EML4: variants seen among roughly 807,000 people sequenced by gnomAD.
EML4 encodes echinoderm microtubule-associated protein-like 4.
EML4 carries 72 observed loss-of-function variants against 129.0 expected under a neutral mutation model. The observed-to-expected ratio is 0.56, with a 90% CI of 0.46 to 0.68. The LOEUF (loss-of-function observed/expected upper bound fraction) is 0.68. Ranked by LOEUF, EML4 falls within the 30% of genes least tolerant of loss-of-function variation. The pLI is 0.00. For synonymous variants in EML4, 532 were observed against 405.0 expected, an observed-to-expected ratio of 1.31 and a Z score of -3.77; for missense variants, 1,363 against 1,190.6, an observed-to-expected ratio of 1.14 and a Z score of -2.13.
intron 16 of EML4, 57 bp downstream of exon 16, chr2:42,303,503 G>A (rs890713951): frequency 3.8e-6 from 6 of 1,574,926 alleles, no homozygotes; most frequent in Non-Finnish European, 5.2e-6. Flanking sequence ...CACACTGGCA[G>A]TTGAGAGCAG....
chr2:42,186,250 G>A (rs184467877), intron 1 of EML4, among the ~76,000 whole-genome samples: 3 of 152,040 alleles, frequency 2.0e-5, no homozygotes, highest in East Asian at 3.9e-4. Flanking sequence ...ACGTTACTAT[G>A]CACTTTTATT....
rs79848531 is a variant in EML4, at chr2:42,292,084, G to A, written c.1219-3041G>A. Among the ~76,000 whole-genome samples the A allele has an allele frequency of 7.0e-4, 106 of 152,308 alleles. No individual in the cohort carries two copies. In the East Asian group the frequency reaches 0.014, roughly 20 times the overall value. ...CATATTATCTCTTCAGTTCTTAGGCGTTGGCAACTGTATTCTGAATTATAG... is the reference window on the plus strand; with the variant it reads ...CATATTATCTCTTCAGTTCTTAGGCATTGGCAACTGTATTCTGAATTATAG... On this transcript the variant is annotated intron_variant, in intron 11 of 22. Coordinates refer to ENST00000318522, the MANE Select transcript of EML4 (RefSeq NM_019063.5).
At chr2:42,318,697 T>TG (rs1558608383) in intron 19 of EML4, among the ~76,000 whole-genome samples, 2 of 151,340 alleles carry the variant, frequency 1.3e-5, no homozygotes, top group Non-Finnish European at 3.0e-5. Flanking sequence ...CCCCCAATTT[T>TG]TTTTGTTTTG....
chr2:42,264,116 T>TG (rs1665914984), intron 5 of EML4, among the ~76,000 whole-genome samples: 2 of 90,200 alleles, frequency 2.2e-5, no homozygotes, highest in African/African-American at 1.0e-4. Context: ...TTTTTTTTTT[T>TG]TTTTTTTTTT....
chr2:42,192,328 C>T (rs62144748), intron 1 of EML4, among the ~76,000 whole-genome samples: 19,638 of 150,940 alleles, frequency 0.13, 1,263 homozygotes, highest in East Asian at 0.18. Context: ...CAACCTCTGC[C>T]TGCTGGCTTC....
At chr2:42,261,497 GAAAAAAAAA>G (rs10573221) in intron 4 of EML4, 5 of 219,868 alleles carry the variant, frequency 2.3e-5, no homozygotes, top group Non-Finnish European at 3.4e-5. Flanking sequence ...GTTAAAACTG[GAAAAAAAAA>G]AAAAAAAAAC....
At chr2:42,282,156 C>T (rs984156366) in intron 7 of EML4, among the ~76,000 whole-genome samples, 1 of 150,226 alleles carries the variant, frequency 6.7e-6, no homozygotes, top group Non-Finnish European at 1.5e-5. Context: ...TACCCCCCCA[C>T]GATTTGTAAT....
At chr2:42,324,878 G>A (rs1475111407) in intron 19 of EML4, among the ~76,000 whole-genome samples, 1 of 152,138 alleles carries the variant, frequency 6.6e-6, no homozygotes. Flanking sequence ...CCTGCTTAAG[G>A]AATGTTTTAA....
chr2:42,198,826 G>A (rs2103947529), intron 1 of EML4, among the ~76,000 whole-genome samples: 1 of 152,314 alleles, frequency 6.6e-6, no homozygotes, highest in East Asian at 1.9e-4. Context: ...TTGTGTGTAT[G>A]TATTCTCATT....
At chr2:42,248,320 C>T (rs1474556636) in intron 2 of EML4, among the ~76,000 whole-genome samples, 1 of 151,980 alleles carries the variant, frequency 6.6e-6, no homozygotes, top group East Asian at 1.9e-4. Context: ...CATATTGTAT[C>T]TACTAAGGTA....
At chr2:42,220,330 C>T (rs1673504688) in intron 1 of EML4, among the ~76,000 whole-genome samples, 2 of 151,578 alleles carry the variant, frequency 1.3e-5, no homozygotes, top group South Asian at 4.2e-4. Context: ...GCATGTGTAC[C>T]CACTTCATCT....
intron 1 of EML4, among the ~76,000 whole-genome samples, chr2:42,233,371 T>C (rs1674472218): frequency 6.6e-6 from 1 of 151,862 alleles, no homozygotes; most frequent in African/African-American, 2.4e-5. Flanking sequence ...AGTGGCGCGA[T>C]CTCAGCTCCC....
At chr2:42,223,112 T>C (rs1288914731) in intron 1 of EML4, among the ~76,000 whole-genome samples, 1 of 152,108 alleles carries the variant, frequency 6.6e-6, no homozygotes, top group East Asian at 1.9e-4. Flanking sequence ...GCCAATATAA[T>C]GTATTTTTAA....
rs772718008 is a variant in EML4, at chr2:42,303,171, C to T, written c.1709C>T (p.Thr570Ile). Residue 570 changes from threonine to isoleucine, a missense_variant, in exon 15 of 23, where the codon ACA (threonine) becomes ATA (isoleucine). Coordinates refer to ENST00000318522, the MANE Select transcript of EML4 (RefSeq NM_019063.5). ...AAGGCAGATCAATTTTTAGTAGGCA[C>T]ATCACGAAACTTTATTTTACGAGGA... ...EGKADQFLVG[T>I]SRNFILRGTF... The T allele has an allele frequency of 1.9e-6, 3 of 1,614,086 alleles. No individual in the cohort carries two copies. The highest frequency in any genetic ancestry group is 2.5e-6 in the Non-Finnish European group (3 of 1,179,970).
At position 42,242,521 on chromosome 2, in the gene EML4, C is replaced by A. The variant is rs1486433236; in HGVS notation, c.26-2984C>A. Among the ~76,000 whole-genome samples, 3 of 151,950 alleles carry A rather than the reference C, an allele frequency of 2.0e-5. No individual in the cohort carries two copies. The East Asian group carries it at 5.8e-4, about 29-fold the overall frequency. ...GGGTGACATCCTGGTAGCTGGAGAA[C>A]CAAGGTGGATGGGCTATAACTCTAC... On this transcript the variant is annotated intron_variant, in intron 1 of 22. Transcript: ENST00000318522.
intron 19 of EML4, among the ~76,000 whole-genome samples, chr2:42,320,959 A>T (rs1669484451): frequency 6.6e-6 from 1 of 152,156 alleles, no homozygotes; most frequent in Non-Finnish European, 1.5e-5. Context: ...GGAAATACAC[A>T]TCAAAAAGAG....
At chr2:42,176,818 G>A (rs1670632100) in intron 1 of EML4, among the ~76,000 whole-genome samples, 1 of 152,112 alleles carries the variant, frequency 6.6e-6, no homozygotes, top group Middle Eastern at 3.2e-3. Context: ...TTATGAGACA[G>A]AGTTTTGCTT....
rs558020955 is a variant in EML4 at position 42,235,763 on chromosome 2, C to G, written c.26-9742C>G. 4.0e-5 allele frequency among the ~76,000 whole-genome samples: 6 copies of G among 151,462 alleles called. No homozygotes were observed. The East Asian group carries it at 7.7e-4, about 20-fold the overall frequency. On this transcript the variant is annotated intron_variant, in intron 1 of 22. Transcript: ENST00000318522. The stretch of plus-strand genomic sequence containing the variant: ...GTAGATAATTAATCTTAGAGTCATA[C>G]TATTAGGCCTCAAAACTGTCATAAA...
intron 3 of EML4, among the ~76,000 whole-genome samples, chr2:42,258,978 G>A (rs1175167437): frequency 6.6e-6 from 1 of 152,174 alleles, no homozygotes; most frequent in Admixed American, 6.5e-5. Flanking sequence ...CGGATGCAGT[G>A]GCTCACGCCT....
Sources: gnomAD v4.1 joint callset for allele counts (sites outside exome capture counted in the v4.1 genomes callset) on GRCh38, gnomAD v4.1.1 for gene constraint, MANE v1.5 for transcripts, NCBI Gene and HGNC (gene_info 2026-07-23, HGNC 2026-07-21) for gene names.